Variants in MAGI2 observed in about 807,000 individuals in gnomAD.
MAGI2 encodes the protein membrane-associated guanylate kinase, WW and PDZ domain-containing protein 2.
Under a neutral mutation model 133.3 loss-of-function variants are expected in MAGI2, and 35 were observed. The observed-to-expected ratio is 0.26, with a 90% confidence interval of 0.20 to 0.35. MAGI2 has a LOEUF of 0.35. Among genes scored for constraint, MAGI2 ranks in the 10% least tolerant of loss-of-function variants. The pLI is 1.00. For synonymous variants in MAGI2, 729 were observed against 710.6 expected (o/e 1.03, Z -0.41); for missense variants, 1,636 against 1,863.4 (o/e 0.88, Z 2.25).
At chr7:78,674,998 A>G (rs777183692) in intron 2 of MAGI2, among the ~76,000 whole-genome samples, 12 of 152,172 alleles carry the variant, frequency 7.9e-5, no homozygotes, top group Admixed American at 5.2e-4. Flanking sequence ...TCTCTTTTCA[A>G]TTAGATTAAA....
chr7:78,708,692 A>G (rs1033436936), intron 2 of MAGI2, among the ~76,000 whole-genome samples: 1 of 152,150 alleles, frequency 6.6e-6, no homozygotes, highest in Non-Finnish European at 1.5e-5. Context: ...AACACTAACA[A>G]TAACTGCTAC....
intron 7 of MAGI2, among the ~76,000 whole-genome samples, chr7:78,348,931 A>G (rs573878611): frequency 5.9e-5 from 9 of 152,324 alleles, no homozygotes; most frequent in African/African-American, 2.2e-4. Flanking sequence ...CAGGAGAGAG[A>G]AACCAATTAT....
chr7:78,260,538 A>ACTT (rs1793416711), intron 9 of MAGI2, among the ~76,000 whole-genome samples: 1 of 152,166 alleles, frequency 6.6e-6, no homozygotes, highest in South Asian at 2.1e-4. Flanking sequence ...TTGTGAAAAT[A>ACTT]CTTATAATTT....
At chr7:78,496,504 T>C (rs1200046690) in intron 5 of MAGI2, among the ~76,000 whole-genome samples, 2 of 152,234 alleles carry the variant, frequency 1.3e-5, no homozygotes, top group Non-Finnish European at 2.9e-5. Context: ...TCTTCTTTTA[T>C]GGAACATTTA....
At chr7:78,439,157 G>A (rs1787349221) in intron 6 of MAGI2, among the ~76,000 whole-genome samples, 1 of 152,192 alleles carries the variant, frequency 6.6e-6, no homozygotes, top group Non-Finnish European at 1.5e-5. Context: ...CTGAGTTAAA[G>A]AACAGTGTTT....
chr7:78,215,932 A>G (rs1563274857), intron 10 of MAGI2, among the ~76,000 whole-genome samples: 1 of 152,236 alleles, frequency 6.6e-6, no homozygotes, highest in East Asian at 1.9e-4. Flanking sequence ...TAGCAGTTAA[A>G]TAAGCATTAG....
intron 2 of MAGI2, among the ~76,000 whole-genome samples, chr7:78,808,814 C>T (rs1583977641): frequency 6.6e-6 from 1 of 152,144 alleles, no homozygotes; most frequent in Non-Finnish European, 1.5e-5. Context: ...GCAGAGGCAG[C>T]CCTGCCACTG....
intron 2 of MAGI2, among the ~76,000 whole-genome samples, chr7:78,753,776 T>C (rs980627557): frequency 2.7e-5 from 4 of 148,446 alleles, no homozygotes; most frequent in African/African-American, 4.9e-5. Flanking sequence ...AAACGATAAA[T>C]AAGAGAAAAC....
chr7:78,402,359 A>G (rs998504132), intron 6 of MAGI2, among the ~76,000 whole-genome samples: 5 of 70,360 alleles, frequency 7.1e-5, no homozygotes, highest in Non-Finnish European at 1.1e-4. Flanking sequence ...CCTGGGGCGT[A>G]TGTGTGTATC....
rs138943159 is a variant in MAGI2 at position 79,392,707 on chromosome 7, C to A, written c.301+60313G>T. ...CTTTGCCCACTTTTTGATGGAGTTA[C>A]TTGTTTTTTTCTTGACCTTTACTCA... is the stretch of plus-strand genomic sequence containing the variant. On this transcript the variant is annotated intron_variant, in intron 1 of 21. Transcript: ENST00000354212. Among the ~76,000 whole-genome samples the A allele has an allele frequency of 1.0e-3, 157 of 152,088 alleles. 1 individual carries two copies. Among genetic ancestry groups the A allele is most frequent in the African/African-American group, 3.7e-3 (153 of 41,516 alleles).
intron 1 of MAGI2, among the ~76,000 whole-genome samples, chr7:79,314,111 T>C (rs1039925850): frequency 2.0e-5 from 3 of 152,186 alleles, no homozygotes; most frequent in African/African-American, 7.2e-5. Flanking sequence ...GTAGTTGGGA[T>C]TACAGGTGCC....
intron 1 of MAGI2, among the ~76,000 whole-genome samples, chr7:79,356,520 A>C (rs1315463491): frequency 1.3e-5 from 2 of 152,186 alleles, no homozygotes; most frequent in Non-Finnish European, 2.9e-5. Flanking sequence ...ATTAATTTTT[A>C]GAAAAAACAT....
At chr7:79,253,524 T>C (rs1833474520) in intron 1 of MAGI2, among the ~76,000 whole-genome samples, 1 of 152,010 alleles carries the variant, frequency 6.6e-6, no homozygotes, top group Non-Finnish European at 1.5e-5. Flanking sequence ...ACACCTGTGG[T>C]CCCAGCTACT....
chr7:78,808,172 T>A (rs1788742591), intron 2 of MAGI2, among the ~76,000 whole-genome samples: 1 of 152,188 alleles, frequency 6.6e-6, no homozygotes. Context: ...CTGGGAATAG[T>A]TCAGTAGGTA....
At chr7:78,239,789 C>A (rs2150902757) in intron 10 of MAGI2, among the ~76,000 whole-genome samples, 1 of 152,298 alleles carries the variant, frequency 6.6e-6, no homozygotes, top group East Asian at 1.9e-4. Flanking sequence ...GAAAAGGGAA[C>A]CCTTGCACAC....
At chr7:78,550,083 G>A (rs748144974) in intron 3 of MAGI2, among the ~76,000 whole-genome samples, 38 of 152,104 alleles carry the variant, frequency 2.5e-4, no homozygotes, top group African/African-American at 8.2e-4. Flanking sequence ...AGAAAGCACC[G>A]TCTACAAACC....
chr7:78,445,912 C>A (rs1006535150), intron 6 of MAGI2, among the ~76,000 whole-genome samples: 1 of 151,200 alleles, frequency 6.6e-6, no homozygotes, highest in African/African-American at 2.4e-5. Context: ...TTTCCTTAAG[C>A]CTATATTGTC....
intron 10 of MAGI2, among the ~76,000 whole-genome samples, chr7:78,249,802 T>G (rs1792196928): frequency 6.6e-6 from 1 of 152,096 alleles, no homozygotes; most frequent in Non-Finnish European, 1.5e-5. Flanking sequence ...TTAGGTTGAC[T>G]ATAGTTACCA....
chr7:78,218,914 G>A (rs1030738453), intron 10 of MAGI2, among the ~76,000 whole-genome samples: 1 of 152,152 alleles, frequency 6.6e-6, no homozygotes, highest in African/African-American at 2.4e-5. Flanking sequence ...TGCTCATACC[G>A]AACCTGGTGC....
Sources: allele counts gnomAD v4.1 joint callset (sites outside exome capture counted in the v4.1 genomes callset), GRCh38; gene constraint gnomAD v4.1.1; transcripts MANE v1.5; gene names NCBI Gene and HGNC (gene_info 2026-07-23, HGNC 2026-07-21).